Variants in STK32A observed in about 807,000 individuals in gnomAD.
STK32A encodes the protein serine/threonine-protein kinase 32A.
STK32A carries 41 observed loss-of-function variants against 53.2 expected under a neutral mutation model. The observed-to-expected ratio is 0.77, with a 90% CI of 0.60 to 1.00. The LOEUF (loss-of-function observed/expected upper bound fraction) is 1.00, where lower values mean the gene tolerates loss of function less well. Among genes scored for constraint, STK32A ranks in the 50% least tolerant of loss-of-function variants. The pLI, the probability that STK32A is intolerant of heterozygous loss-of-function variation, is 0.00. For synonymous variants in STK32A, 166 were observed against 162.8 expected, an observed-to-expected ratio of 1.02 and a Z score of -0.15; for missense variants, 458 against 485.8, an observed-to-expected ratio of 0.94 and a Z score of 0.54.
chr5:147,361,635 CT>C, intron 8 of STK32A, 21 bp downstream of exon 8: 1 of 1,526,968 alleles, frequency 6.5e-7, no homozygotes, highest in Non-Finnish European at 9.1e-7. Context: ...AGCATTTCCT[CT>C]TTGGTTATTT....
chr5:147,256,071 C>A (rs961083596), intron 2 of STK32A, among the ~76,000 whole-genome samples: 1 of 152,190 alleles, frequency 6.6e-6, no homozygotes, highest in African/African-American at 2.4e-5. Context: ...GGCAGAGTGT[C>A]CAGTAAAGGT....
chr5:147,350,443 C>A (rs1404500578), intron 6 of STK32A, among the ~76,000 whole-genome samples: 1 of 151,802 alleles, frequency 6.6e-6, no homozygotes, highest in African/African-American at 2.4e-5. Flanking sequence ...CTCACTGCAA[C>A]CTCTGCCTCC....
chr5:147,252,772 G>T (rs1754054848), intron 2 of STK32A, among the ~76,000 whole-genome samples: 1 of 151,940 alleles, frequency 6.6e-6, no homozygotes. Context: ...TACCCACTAT[G>T]TTTTTCACTA....
At chr5:147,380,661 A>G (rs1282786904) in intron 11 of STK32A, among the ~76,000 whole-genome samples, 3 of 152,208 alleles carry the variant, frequency 2.0e-5, no homozygotes, top group Non-Finnish European at 4.4e-5. Context: ...ATAGATGTTG[A>G]AAGCTGGACA....
At chr5:147,339,815 C>T (rs1428701548) in intron 5 of STK32A, among the ~76,000 whole-genome samples, 1 of 152,202 alleles carries the variant, frequency 6.6e-6, no homozygotes, top group Non-Finnish European at 1.5e-5. Flanking sequence ...TGGCCAATTC[C>T]TCTTATTTGG....
chr5:147,361,810 A>G (rs1028255733), intron 8 of STK32A, among the ~76,000 whole-genome samples, 196 bp downstream of exon 8: 3 of 152,246 alleles, frequency 2.0e-5, no homozygotes, highest in Admixed American at 2.0e-4. Flanking sequence ...AACCATGTCA[A>G]TTACCATTAA....
Position 147,385,177 on chromosome 5 carries a change from G to T in STK32A, c.*1194G>T, listed in dbSNP as rs1757602079. ...TTCTTTTCAGGCAGAGTCTCACTCTGTCACCCAGGCTGGAGTGCAGTGGCA... is the reference window on the plus strand; with the variant it reads ...TTCTTTTCAGGCAGAGTCTCACTCTTTCACCCAGGCTGGAGTGCAGTGGCA... On this transcript the variant is annotated 3_prime_UTR_variant, in exon 13 of 13. Coordinates refer to ENST00000397936, the MANE Select transcript of STK32A (RefSeq NM_001112724.2). 1 of 152,146 alleles carries T rather than the reference G, an allele frequency of 6.6e-6. No individual in the cohort carries two copies. The highest frequency in any genetic ancestry group is 1.5e-5 in the Non-Finnish European group (1 of 68,070). The allele number at this position is 152,146 out of a possible 1,614,324, so 9.4% of individuals were successfully genotyped here.
intron 4 of STK32A, among the ~76,000 whole-genome samples, chr5:147,316,784 G>C (rs567684795): frequency 5.5e-4 from 75 of 136,728 alleles, no homozygotes; most frequent in African/African-American, 1.8e-3. Flanking sequence ...GAGCCCAGGA[G>C]TTCAAGGCTG....
intron 7 of STK32A, among the ~76,000 whole-genome samples, chr5:147,351,995 A>G (rs1163855418): frequency 6.6e-6 from 1 of 152,220 alleles, no homozygotes; most frequent in Non-Finnish European, 1.5e-5. Context: ...ATTCCCAGCT[A>G]TAATTTTAGA....
At chr5:147,264,617 T>G (rs1291983956) in intron 2 of STK32A, among the ~76,000 whole-genome samples, 1 of 152,176 alleles carries the variant, frequency 6.6e-6, no homozygotes, top group Non-Finnish European at 1.5e-5. Flanking sequence ...TAATTAAAAT[T>G]ATTATGCCAG....
At chr5:147,297,281 G>A (rs943553482) in intron 4 of STK32A, among the ~76,000 whole-genome samples, 1 of 152,130 alleles carries the variant, frequency 6.6e-6, no homozygotes, top group African/African-American at 2.4e-5. Context: ...ACCTACTCAC[G>A]GAGGCCCCAA....
At chr5:147,258,453 T>C (rs542342982) in intron 2 of STK32A, among the ~76,000 whole-genome samples, 1 of 152,294 alleles carries the variant, frequency 6.6e-6, no homozygotes, top group African/African-American at 2.4e-5. Flanking sequence ...ACATAAACTG[T>C]TTCTTCAATA....
intron 2 of STK32A, among the ~76,000 whole-genome samples, chr5:147,277,443 G>A (rs1334817602): frequency 6.6e-6 from 1 of 152,182 alleles, no homozygotes; most frequent in East Asian, 1.9e-4. Flanking sequence ...AGACGTGGAG[G>A]ATCGACTCTA....
At chr5:147,305,201 T>C (rs983590961) in intron 4 of STK32A, among the ~76,000 whole-genome samples, 9 of 151,878 alleles carry the variant, frequency 5.9e-5, no homozygotes, top group Admixed American at 4.6e-4. Flanking sequence ...TGCAGACACA[T>C]AGAAGGGTGA....
intron 4 of STK32A, among the ~76,000 whole-genome samples, chr5:147,297,079 C>G (rs1439134413): frequency 6.6e-6 from 1 of 152,138 alleles, no homozygotes; most frequent in Non-Finnish European, 1.5e-5. Flanking sequence ...CTTACCAAAC[C>G]AATACACCTT....
intron 4 of STK32A, among the ~76,000 whole-genome samples, chr5:147,319,335 G>C (rs550824475): frequency 5.0e-4 from 76 of 151,814 alleles, no homozygotes; most frequent in African/African-American, 1.7e-3. Flanking sequence ...GTAGAGACAG[G>C]GTTTCACCAT....
intron 9 of STK32A, among the ~76,000 whole-genome samples, chr5:147,372,471 T>C (rs1235290350): frequency 1.3e-5 from 2 of 152,054 alleles, no homozygotes; most frequent in African/African-American, 4.8e-5. Context: ...AAGCAAATTC[T>C]GCTTAGTTCC....
chr5:147,238,422 G>A (rs2151936766), intron 1 of STK32A, among the ~76,000 whole-genome samples: 1 of 152,266 alleles, frequency 6.6e-6, no homozygotes, highest in African/African-American at 2.4e-5. Context: ...AGAGGTGAGA[G>A]GTTACATAAC....
chr5:147,279,438 G>C (rs1296273705), intron 4 of STK32A, 40 bp downstream of exon 4: 2 of 1,536,150 alleles, frequency 1.3e-6, no homozygotes, highest in Admixed American at 4.0e-5. Context: ...AGACACTCCT[G>C]TTATCGGTGG....
Sources: allele counts gnomAD v4.1 joint callset (sites outside exome capture counted in the v4.1 genomes callset), GRCh38; gene constraint gnomAD v4.1.1; transcripts MANE v1.5; gene names NCBI Gene and HGNC (gene_info 2026-07-23, HGNC 2026-07-21).